The following GRIP1 variants were observed in gnomAD, a reference collection of about 807,000 sequenced individuals.
The protein encoded by GRIP1 is glutamate receptor-interacting protein 1.
GRIP1 carries 45 observed loss-of-function variants against 129.9 expected under a neutral mutation model. The observed-to-expected ratio is 0.35, with a 90% CI of 0.27 to 0.44. The LOEUF is 0.44. Among genes scored for constraint, GRIP1 ranks in the 20% least tolerant of loss-of-function variants. The pLI is 1.00. For missense variants in GRIP1, 1,196 were observed against 1,396.8 expected (o/e 0.86, Z 2.29); for synonymous variants, 530 against 520.8 (o/e 1.02, Z -0.24).
At chr12:66,399,926 C>T (rs2056924832) in intron 16 of GRIP1, among the ~76,000 whole-genome samples, 1 of 151,918 alleles carries the variant, frequency 6.6e-6, no homozygotes, top group South Asian at 2.1e-4. Context: ...TCTACAGCTC[C>T]CTTACTGCTG....
At chr12:66,484,125 C>T (rs1223332505) in intron 7 of GRIP1, among the ~76,000 whole-genome samples, 4 of 152,108 alleles carry the variant, frequency 2.6e-5, no homozygotes, top group Non-Finnish European at 5.9e-5. Flanking sequence ...TCCCAAAGTG[C>T]TAGGATTACA....
In GRIP1 at chr12:66,827,862, T is replaced by C. The variant is rs143294072; in HGVS notation, c.59-230935A>G. Among the ~76,000 whole-genome samples, 1,016 of 152,316 alleles carry C rather than the reference T, an allele frequency of 6.7e-3. 25 individuals carry two copies. The highest frequency in any genetic ancestry group is 0.048 in the Admixed American group (730 of 15,296). Reference sequence around the variant, plus strand: ...AAACTTAAAAATAAATTCTTTTTCATAAAAACATATCTTGCTTATAGGGCC... The same window carrying C: ...AAACTTAAAAATAAATTCTTTTTCACAAAAACATATCTTGCTTATAGGGCC... On this transcript the variant is annotated intron_variant, in intron 1 of 1. Coordinates refer to the GRIP1 transcript ENST00000643019.
intron 1 of GRIP1, among the ~76,000 whole-genome samples, chr12:66,634,942 G>A (rs1434745378): frequency 6.6e-6 from 1 of 152,158 alleles, no homozygotes; most frequent in East Asian, 1.9e-4. Flanking sequence ...TTTCTTTATA[G>A]CATCTAGACA....
intron 1 of GRIP1, among the ~76,000 whole-genome samples, chr12:66,656,091 A>G (rs929926448): frequency 2.0e-5 from 3 of 152,156 alleles, no homozygotes; most frequent in Non-Finnish European, 4.4e-5. Flanking sequence ...CAGGCATCCA[A>G]TAGACTCTGA....
At chr12:66,757,607 T>C (rs979354814) in intron 1 of GRIP1, among the ~76,000 whole-genome samples, 1 of 152,244 alleles carries the variant, frequency 6.6e-6, no homozygotes, top group Non-Finnish European at 1.5e-5. Flanking sequence ...TTTGGTAATA[T>C]ACCTAGCAGT....
intron 1 of GRIP1, among the ~76,000 whole-genome samples, chr12:66,860,479 T>C (rs2040092646): frequency 6.6e-6 from 1 of 152,114 alleles, no homozygotes; most frequent in Admixed American, 6.6e-5. Flanking sequence ...TCACCTCACC[T>C]CTATCCTCTT....
At chr12:67,041,033 C>T (rs1272524288) in intron 1 of GRIP1, among the ~76,000 whole-genome samples, 1 of 152,032 alleles carries the variant, frequency 6.6e-6, no homozygotes, top group Non-Finnish European at 1.5e-5. Context: ...CAGCAGACTG[C>T]CTTTGGACTC....
Position 66,465,270 on chromosome 12 carries a change from C to T in GRIP1, c.872+5G>A. 6.2e-7 allele frequency: 1 copy of T among 1,613,162 alleles called. No individual in the cohort carries two copies. The highest frequency in any genetic ancestry group is 8.5e-7 in the Non-Finnish European group (1 of 1,179,268). ...GGAAAAGTAGGCACTTTCTACAATACTTACCTGTCTGCAATACTTGCAGAT... is the reference window on the plus strand; with the variant it reads ...GGAAAAGTAGGCACTTTCTACAATATTTACCTGTCTGCAATACTTGCAGAT... On this transcript the variant is annotated splice_donor_5th_base_variant and intron_variant, in intron 8 of 24. Coordinates refer to ENST00000359742, the MANE Select transcript of GRIP1 (RefSeq NM_001366722.1).
chr12:66,979,216 T>C (rs2042199972), intron 1 of GRIP1, among the ~76,000 whole-genome samples: 1 of 49,852 alleles, frequency 2.0e-5, no homozygotes, highest in Non-Finnish European at 3.9e-5. Context: ...ACAAAACTTC[T>C]CTTCTTAAAA....
intron 1 of GRIP1, among the ~76,000 whole-genome samples, chr12:66,692,942 C>G (rs576443124): frequency 6.6e-6 from 1 of 152,238 alleles, no homozygotes; most frequent in African/African-American, 2.4e-5. Flanking sequence ...AGAACAGTAC[C>G]TAACATATAA....
At chr12:66,647,048 C>T (rs1266445039) in intron 1 of GRIP1, among the ~76,000 whole-genome samples, 1 of 152,210 alleles carries the variant, frequency 6.6e-6, no homozygotes, top group Non-Finnish European at 1.5e-5. Context: ...AAGCTGCAGA[C>T]TAGGGAAGCA....
intron 1 of GRIP1, among the ~76,000 whole-genome samples, chr12:66,664,097 G>T (rs1467693204): frequency 2.0e-5 from 3 of 151,960 alleles, no homozygotes; most frequent in Non-Finnish European, 4.4e-5. Context: ...CTACAAAAGG[G>T]AGATTACATT....
chr12:66,850,566 G>C (rs996708540), intron 1 of GRIP1, among the ~76,000 whole-genome samples: 1 of 151,950 alleles, frequency 6.6e-6, no homozygotes, highest in Non-Finnish European at 1.5e-5. Context: ...CCATGTAATA[G>C]AAACTAATTG....
chr12:66,822,866 A>C (rs1394305193), intron 1 of GRIP1, among the ~76,000 whole-genome samples: 1 of 152,104 alleles, frequency 6.6e-6, no homozygotes, highest in Admixed American at 6.6e-5. Context: ...AGGTCAAAAA[A>C]CTGTTGGGTA....
At chr12:66,449,372 C>T (rs1411912939) in intron 11 of GRIP1, among the ~76,000 whole-genome samples, 3 of 152,140 alleles carry the variant, frequency 2.0e-5, no homozygotes, top group African/African-American at 7.2e-5. Context: ...ACAAGTCATT[C>T]TTCAGGGCCC....
chr12:66,675,634 T>C (rs1246921203), intron 1 of GRIP1, among the ~76,000 whole-genome samples: 1 of 152,084 alleles, frequency 6.6e-6, no homozygotes, highest in Non-Finnish European at 1.5e-5. Context: ...ATTTACCCAC[T>C]CCAGAAAACC....
intron 1 of GRIP1, among the ~76,000 whole-genome samples, chr12:66,883,463 C>T (rs1004491779): frequency 6.6e-6 from 1 of 152,092 alleles, no homozygotes; most frequent in African/African-American, 2.4e-5. Flanking sequence ...GGGGTACAGC[C>T]CTGACCATGT....
chr12:66,517,968 G>A lies in GRIP1; in HGVS notation c.511C>T (p.His171Tyr). The part of the protein sequence containing the change: ...TFGFVIRGGA[H>Y]DDRNKSRPVV... Reference sequence around the variant, plus strand: ...GGACGAGATTTATTTCTATCATCATGTGCTCCCCCTAGCAAAGAAAAGGAA... The same window carrying A: ...GGACGAGATTTATTTCTATCATCATATGCTCCCCCTAGCAAAGAAAAGGAA... The change falls in exon 6 of 25, where the codon CAT becomes TAT. Residue 171 changes from histidine to tyrosine, a missense_variant. Physicochemically the swap from His to Tyr is moderately conservative, Grantham distance 83. Transcript: ENST00000359742. The A allele has an allele frequency of 6.3e-7, 1 of 1,583,090 alleles. No individual in the cohort carries two copies. Among genetic ancestry groups the A allele is most frequent in the Non-Finnish European group, 8.7e-7 (1 of 1,152,098 alleles).
chr12:66,446,891 T>C (rs2058645469), intron 11 of GRIP1, among the ~76,000 whole-genome samples: 1 of 152,230 alleles, frequency 6.6e-6, no homozygotes, highest in South Asian at 2.1e-4. Flanking sequence ...TCCCCCTTGT[T>C]GATCACATAC....
Sources: allele counts gnomAD v4.1 joint callset (sites outside exome capture counted in the v4.1 genomes callset), GRCh38; gene constraint gnomAD v4.1.1; transcripts MANE v1.5; gene names NCBI Gene and HGNC (gene_info 2026-07-23, HGNC 2026-07-21).